ABCA5: variants seen among roughly 807,000 people sequenced by gnomAD.
ABCA5 encodes cholesterol transporter ABCA5.
Under a neutral mutation model 206.0 loss-of-function variants are expected in ABCA5, and 163 were observed. That is an observed-to-expected ratio of 0.79 (90% CI 0.70 to 0.90). ABCA5 has a LOEUF of 0.90. ABCA5 is among the 40% of genes least tolerant of loss of function. ABCA5 has a pLI of 0.00. For synonymous variants in ABCA5, 609 were observed against 613.8 expected (o/e 0.99, Z 0.11); for missense variants, 1,859 against 1,912.9 (o/e 0.97, Z 0.53).
intron 36 of ABCA5, 147 bp from the exon 37 acceptor site, chr17:69,250,131 A>G (rs1294637374): frequency 3.4e-6 from 2 of 588,732 alleles, no homozygotes; most frequent in Non-Finnish European, 2.7e-6. Flanking sequence ...AAATAATAAC[A>G]TTTTCATGCA....
At position 69,259,679 on chromosome 17, in the gene ABCA5, T is replaced by A. The variant is rs75233053; in HGVS notation, c.3731+27A>T. Reference sequence around the variant, plus strand: ...CAGTTCTGTAAATATACTAAAAACATTTAAAATTTTTAAAAAATCAACTGA... The same window carrying A: ...CAGTTCTGTAAATATACTAAAAACAATTAAAATTTTTAAAAAATCAACTGA... On this transcript the variant is annotated intron_variant, in intron 28 of 38. Transcript: ENST00000392676. The A allele has an allele frequency of 2.9e-5, 42 of 1,449,582 alleles. No homozygotes were observed. In the Admixed American group the frequency reaches 7.4e-4, roughly 26 times the overall value. The allele number at this position is 1,449,582 out of a possible 1,614,324, so 89.8% of individuals were successfully genotyped here. A position where few individuals can be genotyped will look rare whatever the true frequency, so the allele number is the denominator to read the frequency against.
At chr17:69,272,079 T>C (rs989548354) in intron 20 of ABCA5, among the ~76,000 whole-genome samples, 32 of 152,164 alleles carry the variant, frequency 2.1e-4, no homozygotes, top group African/African-American at 7.7e-4. Flanking sequence ...AAGCAAAACA[T>C]TACTAGTAAC....
Position 69,274,141 on chromosome 17 carries a change from A to G in ABCA5, c.2595-13T>C. The G allele has an allele frequency of 6.4e-7, 1 of 1,561,862 alleles. No homozygotes were observed. Among genetic ancestry groups the G allele is most frequent in the Non-Finnish European group, 8.6e-7 (1 of 1,163,448 alleles). The stretch of plus-strand genomic sequence containing the variant: ...AAGCAGAAGCAACCTGAAAAGAAAA[A>G]AAAAACAACACAGCTCAGGGTACAA... On this transcript the variant is annotated splice_polypyrimidine_tract_variant and intron_variant, in intron 19 of 38. Coordinates refer to ENST00000392676, the MANE Select transcript of ABCA5 (RefSeq NM_172232.4).
At chr17:69,312,143 AG>A (rs2075776596) in intron 3 of ABCA5, among the ~76,000 whole-genome samples, 1 of 152,218 alleles carries the variant, frequency 6.6e-6, no homozygotes, top group South Asian at 2.1e-4. Context: ...TCTACAATTT[AG>A]CACTTCCTTG....
Position 69,255,746 on chromosome 17 carries a change from GAA to G in ABCA5, c.3961_3962del (p.Phe1321LeufsTer23). 6.3e-7 allele frequency: 1 copy of G among 1,589,630 alleles called. No individual in the cohort carries two copies. On this transcript the variant is annotated frameshift_variant, in exon 30 of 39. Coordinates refer to ENST00000392676, the MANE Select transcript of ABCA5 (RefSeq NM_172232.4). LOFTEE classifies it high-confidence loss of function. Reference sequence around the variant, plus strand: ...TTAAATACCAGCCTTTTTTCACACAGAAAGAGATGTATTTAGTTGCCACTTTC... The same window carrying G: ...TTAAATACCAGCCTTTTTTCACACAGAGAGATGTATTTAGTTGCCACTTTC... Reference protein sequence around the residue: ...VKKVATKYISFCVKKGEILGL... With the variant: ...VKKVATKYISXCVKKGEILGL...
At chr17:69,255,980 CA>C in intron 29 of ABCA5, 130 bp from the exon 30 acceptor site, 2 of 1,097,120 alleles carry the variant, frequency 1.8e-6, no homozygotes, top group Non-Finnish European at 2.5e-6. Flanking sequence ...AATAAATATC[CA>C]TTTATGACTG....
intron 17 of ABCA5, among the ~76,000 whole-genome samples, chr17:69,285,044 T>C (rs2075435531): frequency 6.6e-6 from 1 of 152,230 alleles, no homozygotes; most frequent in African/African-American, 2.4e-5. Context: ...CTACCTGTGT[T>C]ACCTTGGGCA....
intron 3 of ABCA5, among the ~76,000 whole-genome samples, chr17:69,312,844 T>A (rs1385299412): frequency 1.3e-5 from 2 of 152,190 alleles, no homozygotes; most frequent in Non-Finnish European, 2.9e-5. Flanking sequence ...TAAACTATTT[T>A]ATAAATGGTC....
chr17:69,318,717 C>G, intron 1 of ABCA5: 2 of 571,326 alleles, frequency 3.5e-6, no homozygotes, highest in Non-Finnish European at 6.4e-6. Context: ...ATCTGTGAAC[C>G]TGTGGAGTAG....
intron 28 of ABCA5, among the ~76,000 whole-genome samples, chr17:69,258,703 TA>T (rs1008231632): frequency 1.3e-5 from 2 of 152,158 alleles, no homozygotes; most frequent in African/African-American, 2.4e-5. Flanking sequence ...ATATTTTTTT[TA>T]AAAAACCAGC....
intron 29 of ABCA5, 135 bp downstream of exon 29, chr17:69,256,022 G>T: frequency 8.1e-7 from 1 of 1,240,420 alleles, no homozygotes; most frequent in Non-Finnish European, 1.1e-6. Flanking sequence ...GTAAGTAAAC[G>T]AAGTATTTTT....
In ABCA5 at chr17:69,306,717, T is replaced by G. The variant is rs750563825; in HGVS notation, c.788+8A>C. ...ATTATATTAAGTAATAAATTTTTAA[T>G]AACATACCAAAAGGCAGTATCATGA... On this transcript the variant is annotated splice_region_variant and intron_variant, in intron 6 of 38. Coordinates refer to ENST00000392676, the MANE Select transcript of ABCA5 (RefSeq NM_172232.4). 12 of 1,297,604 alleles carry G rather than the reference T, an allele frequency of 9.2e-6. No individual in the cohort carries two copies. The highest frequency in any genetic ancestry group is 1.2e-5 in the Non-Finnish European group (12 of 985,250). 80.4% of individuals were successfully genotyped at this position (1,297,604 alleles called of 1,614,324 possible). A position where few individuals can be genotyped will look rare whatever the true frequency, so the allele number is the denominator to read the frequency against.
In ABCA5 at chr17:69,291,300, G is replaced by A; in HGVS notation, c.1522C>T (p.Gln508Ter). The change falls in exon 12 of 39, where the codon CAG becomes TAG. Residue 508 changes from glutamine to a stop codon, truncating the protein, a stop_gained. Coordinates refer to ENST00000392676, the MANE Select transcript of ABCA5 (RefSeq NM_172232.4). LOFTEE classifies it high-confidence loss of function. The part of the protein sequence containing the change: ...RNLSFDIYEG[Q>*]ITALLGHSGT... ...CTGTGGCCAAGTAAGGCAGTAATCT[G>A]ACCCTCATATATGTCAAATGACAAA... 6.2e-7 allele frequency: 1 copy of A among 1,609,274 alleles called. No individual in the cohort carries two copies. Among genetic ancestry groups the A allele is most frequent in the Non-Finnish European group, 8.5e-7 (1 of 1,176,774 alleles).
intron 24 of ABCA5, 148 bp downstream of exon 24, chr17:69,264,587 T>C: frequency 4.7e-6 from 2 of 423,716 alleles, no homozygotes; most frequent in Non-Finnish European, 8.2e-6. Flanking sequence ...ATAAAATGAT[T>C]ACATGTATTA....
chr17:69,285,904 A>AT lies in ABCA5; in HGVS notation c.2265dup (p.Phe756IlefsTer36). 1 of 1,611,120 alleles carries AT rather than the reference A, an allele frequency of 6.2e-7. No homozygotes were observed. The highest frequency in any genetic ancestry group is 8.5e-7 in the Non-Finnish European group (1 of 1,178,830). On this transcript the variant is annotated frameshift_variant, in exon 17 of 39. Transcript: ENST00000392676. LOFTEE classifies it high-confidence loss of function. ...GACTTAAAGTAAGTAATACCTGAAA[A>AT]TTTGTCCATGTCCTTGAAAGGCAAG...
intron 34 of ABCA5, among the ~76,000 whole-genome samples, 177 bp downstream of exon 34, chr17:69,253,396 T>C (rs754865616): frequency 9.5e-4 from 144 of 151,682 alleles, no homozygotes; most frequent in Admixed American, 1.5e-3. Context: ...ATGAAAAATA[T>C]GCAAAGTTTT....
intron 9 of ABCA5, among the ~76,000 whole-genome samples, 194 bp downstream of exon 9, chr17:69,300,945 G>A (rs565949893): frequency 1.3e-5 from 2 of 152,174 alleles, no homozygotes; most frequent in South Asian, 2.1e-4. Context: ...CTTTTTACAC[G>A]ATCTCTTTAT....
chr17:69,316,793 C>G (rs1317873966), intron 1 of ABCA5: 1 of 152,088 alleles, frequency 6.6e-6, no homozygotes, highest in Non-Finnish European at 1.5e-5. Flanking sequence ...GATGTATTAC[C>G]TACAGAGAGT....
Position 69,261,735 on chromosome 17 carries a change from A to G in ABCA5, c.3329T>C (p.Ile1110Thr). 3 of 1,446,766 alleles carry G rather than the reference A, an allele frequency of 2.1e-6. No homozygotes were observed. Among genetic ancestry groups the G allele is most frequent in the Non-Finnish European group, 2.8e-6 (3 of 1,082,928 alleles). The allele number at this position is 1,446,766 out of a possible 1,614,324, so 89.6% of individuals were successfully genotyped here. ...VKFLAVVFCL[I>T]GYVPSVILFT... ...CAGAATAACTGATGGAACATAACCA[A>G]TAAGGCAAAAAACCTGTAAATCAGA... Residue 1110 changes from isoleucine (I) to threonine (T), a missense_variant, in exon 25 of 39, where the codon ATT becomes ACT. Transcript: ENST00000392676.
Sources: allele counts gnomAD v4.1 joint callset (sites outside exome capture counted in the v4.1 genomes callset), GRCh38; gene constraint gnomAD v4.1.1; transcripts MANE v1.5; gene names NCBI Gene and HGNC (gene_info 2026-07-23, HGNC 2026-07-21).